NBAS: variants seen among roughly 807,000 people sequenced by gnomAD.
NBAS encodes the protein NAG/BC035112 fusion.
A neutral mutation model predicts 302.5 loss-of-function variants in NBAS; 219 were observed. That is an observed-to-expected ratio of 0.72 (90% CI 0.65 to 0.81). The LOEUF (loss-of-function observed/expected upper bound fraction) is 0.81. Among genes scored for constraint, NBAS ranks in the 30% least tolerant of loss-of-function variants. NBAS has a pLI of 0.00. For synonymous variants in NBAS, 1,118 were observed against 1,021.6 expected (o/e 1.09, Z -1.80); for missense variants, 2,932 against 2,841.6 (o/e 1.03, Z -0.72).
At chr2:15,324,192 G>A (rs897403994) in intron 38 of NBAS, among the ~76,000 whole-genome samples, 2 of 152,080 alleles carry the variant, frequency 1.3e-5, no homozygotes, top group African/African-American at 4.8e-5. Context: ...ATAAGAAAAT[G>A]GAAGCAAAGA....
intron 40 of NBAS, among the ~76,000 whole-genome samples, chr2:15,303,235 C>T (rs73197026): frequency 0.027 from 4,075 of 152,086 alleles, 161 homozygotes; most frequent in African/African-American, 0.091. Flanking sequence ...GAAATAAGAA[C>T]GACAGTTAAT....
chr2:15,439,668 G>A (rs1354853586), intron 21 of NBAS, among the ~76,000 whole-genome samples: 1 of 152,144 alleles, frequency 6.6e-6, no homozygotes, highest in Non-Finnish European at 1.5e-5. Flanking sequence ...GTCAGTGGGT[G>A]CAGCGCGCCG....
chr2:15,484,758 A>G (rs1464299122), intron 12 of NBAS, among the ~76,000 whole-genome samples: 1 of 152,174 alleles, frequency 6.6e-6, no homozygotes, highest in African/African-American at 2.4e-5. Flanking sequence ...AAGCCTGTGA[A>G]TATCTTAAGA....
chr2:15,420,007 C>T (rs938488069), intron 23 of NBAS, among the ~76,000 whole-genome samples: 2 of 152,138 alleles, frequency 1.3e-5, no homozygotes, highest in African/African-American at 4.8e-5. Context: ...TCACCATGCC[C>T]AGCCAACGAT....
intron 40 of NBAS, 102 bp from the exon 41 acceptor site, chr2:15,292,868 C>A (rs567380562): frequency 2.6e-6 from 3 of 1,150,586 alleles, no homozygotes; most frequent in Non-Finnish European, 2.5e-6. Flanking sequence ...AACTGTTTGG[C>A]CCTGTACACT....
At chr2:15,077,739 A>AG in the NBAS span, among the ~76,000 whole-genome samples, 1 of 148,460 alleles carries the variant, frequency 6.7e-6, no homozygotes, top group Admixed American at 6.8e-5. Flanking sequence ...GCTAGAGTGC[A>AG]GTGGCACAAT....
chr2:14,947,551 T>C, the NBAS span, among the ~76,000 whole-genome samples: 1 of 152,048 alleles, frequency 6.6e-6, no homozygotes, highest in Non-Finnish European at 1.5e-5. Flanking sequence ...TCTTTAGGTT[T>C]TTCTAAGTAT....
At chr2:15,238,416 A>G (rs1667703655) in intron 45 of NBAS, 52 bp downstream of exon 45, 13 of 1,556,680 alleles carry the variant, frequency 8.4e-6, no homozygotes, top group South Asian at 1.1e-5. Context: ...CAAGGAAAAA[A>G]GAAAGAATAT....
the NBAS span, among the ~76,000 whole-genome samples, chr2:15,055,758 G>C: frequency 2.0e-5 from 3 of 152,190 alleles, no homozygotes; most frequent in Non-Finnish European, 4.4e-5. Flanking sequence ...TGGGAGTCGG[G>C]TTTCTCCCTT....
chr2:14,959,168 A>T, the NBAS span, among the ~76,000 whole-genome samples: 2 of 152,184 alleles, frequency 1.3e-5, no homozygotes, highest in African/African-American at 4.8e-5. Context: ...ACTTCAGCTC[A>T]ATGAAACTGT....
intron 11 of NBAS, among the ~76,000 whole-genome samples, chr2:15,495,268 T>A (rs1182526390): frequency 6.6e-6 from 1 of 152,090 alleles, no homozygotes; most frequent in Non-Finnish European, 1.5e-5. Flanking sequence ...ACAGATACGA[T>A]CCTCTTGATA....
the NBAS span, among the ~76,000 whole-genome samples, chr2:14,786,038 G>C: frequency 6.6e-6 from 1 of 152,110 alleles, no homozygotes; most frequent in African/African-American, 2.4e-5. Context: ...CTTCTTCAAG[G>C]TTTAGTCTTG....
At chr2:15,350,010 A>C (rs1231088850) in intron 35 of NBAS, among the ~76,000 whole-genome samples, 1 of 152,132 alleles carries the variant, frequency 6.6e-6, no homozygotes. Context: ...GCAAAAAGTA[A>C]CATTACAACC....
In NBAS at chr2:15,511,337, C is replaced by T; in HGVS notation, c.760G>A (p.Gly254Ser). 1 of 1,613,784 alleles carries T rather than the reference C, an allele frequency of 6.2e-7. No homozygotes were observed. The highest frequency in any genetic ancestry group is 8.5e-7 in the Non-Finnish European group (1 of 1,179,864). Residue 254 changes from glycine (G) to serine (S), a missense_variant, in exon 10 of 52, where the codon GGT (glycine) becomes AGT (serine). By Grantham distance (56) the Gly-to-Ser change is moderately conservative. Coordinates refer to ENST00000281513, the MANE Select transcript of NBAS (RefSeq NM_015909.4). Reference sequence around the variant, plus strand: ...CCTACTTCAGCAGTTTCACATCCACCAACAAGTAAAAGTCTAAAAAGGAGA... The same window carrying T: ...CCTACTTCAGCAGTTTCACATCCACTAACAAGTAAAAGTCTAAAAAGGAGA... ...YHPGHRLLLVGGCETAEVGMS... is the reference protein window; with the variant it reads ...YHPGHRLLLVSGCETAEVGMS...
chr2:15,053,011 T>G, the NBAS span, among the ~76,000 whole-genome samples: 2 of 152,188 alleles, frequency 1.3e-5, no homozygotes, highest in African/African-American at 2.4e-5. Flanking sequence ...ATTTATGTAT[T>G]GTATTTTTTA....
intron 11 of NBAS, among the ~76,000 whole-genome samples, chr2:15,496,134 CTAT>C (rs1681061670): frequency 1.3e-5 from 2 of 148,630 alleles, no homozygotes; most frequent in Non-Finnish European, 3.0e-5. Context: ...ACACAATGGG[CTAT>C]TATTCAGCAA....
chr2:15,319,986 C>A (rs758673884), intron 38 of NBAS, among the ~76,000 whole-genome samples: 1 of 151,994 alleles, frequency 6.6e-6, no homozygotes. Flanking sequence ...AACATTGATG[C>A]GAAAGTCCTC....
chr2:15,467,819 G>T lies in NBAS; in HGVS notation c.1878-15C>A, dbSNP rs1301778417. Reference sequence around the variant, plus strand: ...GTAATGTAAATCTGCAAGTATAAAAGAACAAATATATTTTCATCATTTTTA... The same window carrying T: ...GTAATGTAAATCTGCAAGTATAAAATAACAAATATATTTTCATCATTTTTA... On this transcript the variant is annotated splice_polypyrimidine_tract_variant and intron_variant, in intron 17 of 51. Transcript: ENST00000281513. The T allele has an allele frequency of 2.6e-6, 4 of 1,559,288 alleles. No homozygotes were observed. In the Admixed American group the frequency reaches 5.1e-5, roughly 20 times the overall value.
chr2:15,324,047 C>T (rs1000193049), intron 38 of NBAS, among the ~76,000 whole-genome samples: 2 of 152,084 alleles, frequency 1.3e-5, no homozygotes, highest in Admixed American at 6.5e-5. Flanking sequence ...CTAATTGGAT[C>T]GAGTAAAGGG....
Sources: allele counts gnomAD v4.1 joint callset (sites outside exome capture counted in the v4.1 genomes callset), GRCh38; gene constraint gnomAD v4.1.1; transcripts MANE v1.5; gene names NCBI Gene and HGNC (gene_info 2026-07-23, HGNC 2026-07-21).